The following DOCK8 variants were observed in gnomAD, a reference collection of about 807,000 sequenced individuals.
The protein encoded by DOCK8 is dedicator of cytokinesis 8.
DOCK8 carries 141 observed loss-of-function variants against 245.6 expected under a neutral mutation model. The ratio of observed to expected loss-of-function variants is 0.57; its 90% CI spans 0.50 to 0.66. The LOEUF (loss-of-function observed/expected upper bound fraction) is 0.66, where lower values mean the gene tolerates loss of function less well. Among genes scored for constraint, DOCK8 ranks in the 30% least tolerant of loss-of-function variants. The pLI is 0.00. For synonymous variants in DOCK8, 1,168 were observed against 970.2 expected (o/e 1.20, Z -3.79); for missense variants, 2,965 against 2,603.4 (o/e 1.14, Z -3.02).
intron 2 of DOCK8, among the ~76,000 whole-genome samples, chr9:281,912 T>G (rs545596194): frequency 6.6e-6 from 1 of 152,224 alleles, no homozygotes; most frequent in South Asian, 2.1e-4. Context: ...GACGAACTAT[T>G]CAATGTCAGC....
At chr9:318,028 A>C in intron 7 of DOCK8, among the ~76,000 whole-genome samples, 1 of 152,320 alleles carries the variant, frequency 6.6e-6, no homozygotes, top group Non-Finnish European at 1.5e-5. Flanking sequence ...TTCATATTAA[A>C]ATATTATCTA....
intron 1 of DOCK8, 92 bp from the exon 2 acceptor site, chr9:271,535 C>T (rs540987053): frequency 1.3e-4 from 133 of 1,036,216 alleles, no homozygotes; most frequent in Middle Eastern, 7.0e-4. Context: ...CCAAGGCCTA[C>T]GTTTTATAAC....
rs145297903 is a variant in DOCK8 at position 320,107 on chromosome 9, A to T, written c.827+2979A>T. Among the ~76,000 whole-genome samples the T allele has an allele frequency of 1.2e-4, 19 of 152,232 alleles. 1 individual carries two copies. In the East Asian group the frequency reaches 3.3e-3, roughly 26 times the overall value. ...ACACTTAAAGAACAAACACTCACGG[A>T]AAAAGCCCAGGTTCTGTGATCAGAG... On this transcript the variant is annotated intron_variant, in intron 7 of 47. Coordinates refer to ENST00000432829, the MANE Select transcript of DOCK8 (RefSeq NM_203447.4).
At chr9:358,447 A>G (rs540053332) in intron 14 of DOCK8, among the ~76,000 whole-genome samples, 11 of 152,344 alleles carry the variant, frequency 7.2e-5, no homozygotes, top group African/African-American at 2.4e-4. Context: ...ATAACAAGGT[A>G]TAAAATTTCT....
intron 14 of DOCK8, among the ~76,000 whole-genome samples, chr9:359,321 C>T (rs975512852): frequency 2.0e-5 from 3 of 152,184 alleles, no homozygotes; most frequent in Admixed American, 2.0e-4. Context: ...TGCAGTGTGC[C>T]ACCTGCTGCT....
chr9:421,643 A>C (rs2056284773), intron 32 of DOCK8, among the ~76,000 whole-genome samples: 1 of 152,192 alleles, frequency 6.6e-6, no homozygotes, highest in South Asian at 2.1e-4. Context: ...GCTCAAAGTA[A>C]AACAGAGTGA....
chr9:242,081 C>T (rs916654858), intron 1 of DOCK8, among the ~76,000 whole-genome samples: 14 of 152,178 alleles, frequency 9.2e-5, no homozygotes, highest in Non-Finnish European at 1.5e-4. Flanking sequence ...TTGGTACATG[C>T]GATCTGCAGG....
chr9:297,397 T>C (rs1454770600), intron 4 of DOCK8, among the ~76,000 whole-genome samples: 2 of 152,180 alleles, frequency 1.3e-5, no homozygotes, highest in Admixed American at 1.3e-4. Context: ...CAAAACGCGC[T>C]TGGTCTTTGG....
intron 1 of DOCK8, among the ~76,000 whole-genome samples, chr9:233,406 G>A (rs369522060): frequency 3.3e-5 from 5 of 152,236 alleles, no homozygotes; most frequent in Admixed American, 6.6e-5. Context: ...GTAGATGTCT[G>A]TTAGGTCTGC....
intron 14 of DOCK8, chr9:365,765 G>T: frequency 2.4e-6 from 1 of 411,870 alleles, no homozygotes; most frequent in South Asian, 1.8e-5. Flanking sequence ...CCTCAATCCC[G>T]CTTAACAGAC....
upstream of DOCK8, among the ~76,000 whole-genome samples, chr9:211,419 G>C (rs141706470): frequency 2.9e-3 from 443 of 152,238 alleles, 6 homozygotes; most frequent in African/African-American, 0.01. Context: ...TAAATGAGCA[G>C]AGAAGAAATA....
In DOCK8 at chr9:371,088, T is replaced by C. The variant is rs561844439; in HGVS notation, c.1869-340T>C. 1.1e-4 allele frequency among the ~76,000 whole-genome samples: 16 copies of C among 152,282 alleles called. No individual in the cohort carries two copies. In the East Asian group the frequency reaches 3.1e-3, roughly 29 times the overall value. On this transcript the variant is annotated intron_variant, in intron 16 of 47. Transcript: ENST00000432829. ...CTAGGCTTGGTTCCTTGGGTAGAAATGGAAAAAGGAGGTCACAGCAGGAGT... is the reference window on the plus strand; with the variant it reads ...CTAGGCTTGGTTCCTTGGGTAGAAACGGAAAAAGGAGGTCACAGCAGGAGT...
At chr9:255,297 G>C (rs2047742447) in intron 1 of DOCK8, among the ~76,000 whole-genome samples, 1 of 152,122 alleles carries the variant, frequency 6.6e-6, no homozygotes, top group Non-Finnish European at 1.5e-5. Flanking sequence ...TAATAAGAAA[G>C]AAATCACCAA....
chr9:423,415 C>G (rs973280829), intron 33 of DOCK8, among the ~76,000 whole-genome samples: 8 of 152,278 alleles, frequency 5.3e-5, no homozygotes, highest in African/African-American at 1.2e-4. Flanking sequence ...GCTAAAATCA[C>G]CCCTCACACA....
At chr9:249,198 A>G (rs764436861) in intron 1 of DOCK8, among the ~76,000 whole-genome samples, 2 of 152,214 alleles carry the variant, frequency 1.3e-5, no homozygotes, top group African/African-American at 2.4e-5. Flanking sequence ...AGATGGTCCT[A>G]TGGCATGACT....
chr9:420,977 C>A lies in DOCK8; in HGVS notation c.4052C>A (p.Thr1351Asn), dbSNP rs1254609922. ...AAACAGAGTTCTGACAAAGTCAGTACCCAAGTCCTGCAGAAGTCAAGGGAT... is the reference window on the plus strand; with the variant it reads ...AAACAGAGTTCTGACAAAGTCAGTAACCAAGTCCTGCAGAAGTCAAGGGAT... The part of the protein sequence containing the change: ...KGKQSSDKVS[T>N]QVLQKSRDVK... The change falls in exon 32 of 48, where the codon ACC becomes AAC. Residue 1351 changes from threonine (T) to asparagine (N), a missense_variant. By Grantham distance (65) the Thr-to-Asn change is moderately conservative (BLOSUM62 0). Transcript: ENST00000432829. 6.2e-7 allele frequency: 1 copy of A among 1,614,194 alleles called. No individual in the cohort carries two copies. Among genetic ancestry groups the A allele is most frequent in the Admixed American group, 1.7e-5 (1 of 60,024 alleles).
At chr9:223,297 T>C (rs2046923871) in intron 1 of DOCK8, among the ~76,000 whole-genome samples, 1 of 152,230 alleles carries the variant, frequency 6.6e-6, no homozygotes, top group African/African-American at 2.4e-5. Flanking sequence ...AGTCCTAGGC[T>C]GGTTAGTTCA....
intron 1 of DOCK8, among the ~76,000 whole-genome samples, chr9:216,012 G>C (rs576380604): frequency 1.3e-5 from 2 of 152,184 alleles, no homozygotes; most frequent in Non-Finnish European, 2.9e-5. Flanking sequence ...TCTTTGTGCT[G>C]TTAGTGTGTG....
chr9:308,304 C>T (rs1384225069), intron 5 of DOCK8, among the ~76,000 whole-genome samples: 1 of 152,192 alleles, frequency 6.6e-6, no homozygotes, highest in East Asian at 1.9e-4. Flanking sequence ...TGAGATATTA[C>T]ACTGTATTCC....
Sources: allele counts gnomAD v4.1 joint callset (sites outside exome capture counted in the v4.1 genomes callset), GRCh38; gene constraint gnomAD v4.1.1; transcripts MANE v1.5; gene names NCBI Gene and HGNC (gene_info 2026-07-23, HGNC 2026-07-21).